Variants in MYL10 observed in about 807,000 individuals in gnomAD.
MYL10 encodes the protein myosin regulatory light chain 10.
Under a neutral mutation model 21.9 loss-of-function variants are expected in MYL10, and 18 were observed. The observed-to-expected ratio is 0.82, with a 90% confidence interval of 0.57 to 1.22. The LOEUF (loss-of-function observed/expected upper bound fraction) is 1.22. MYL10 is among the 50% of genes most tolerant of loss of function. MYL10 has a pLI of 0.00. For synonymous variants in MYL10, 88 were observed against 82.8 expected, an observed-to-expected ratio of 1.06 and a Z score of -0.34; for missense variants, 225 against 230.4, an observed-to-expected ratio of 0.98 and a Z score of 0.15.
Position 101,616,260 on chromosome 7 carries a change from C to T in MYL10, c.493G>A (p.Val165Met), listed in dbSNP as rs372517822. The change falls in exon 6 of 8, where the codon GTG (valine) becomes ATG (methionine). Residue 165 changes from valine to methionine, a missense_variant. By Grantham distance (21) the Val-to-Met change is conservative. Transcript: ENST00000223167. ...AAACCTTTCCCTTCAGTGTCGAACA[C>T]TTTGAAGGCGTGGAGAATGGTCTCC... The part of the protein sequence containing the change: ...PEETILHAFK[V>M]FDTEGKGFVK... The T allele has an allele frequency of 1.2e-6, 2 of 1,614,156 alleles. No individual in the cohort carries two copies. Among genetic ancestry groups the T allele is most frequent in the African/African-American group, 1.3e-5 (1 of 75,042 alleles).
Position 101,616,275 on chromosome 7 carries a change from G to A in MYL10, c.478C>T (p.Leu160Phe), listed in dbSNP as rs749354639. ...LKGTDPEETI[L>F]HAFKVFDTEG... Reference sequence around the variant, plus strand: ...GTGTCGAACACTTTGAAGGCGTGGAGAATGGTCTCCTCTGGGTCCGTGCCT... The same window carrying A: ...GTGTCGAACACTTTGAAGGCGTGGAAAATGGTCTCCTCTGGGTCCGTGCCT... The change falls in exon 6 of 8, where the codon CTC becomes TTC. Residue 160 changes from leucine (L) to phenylalanine (F), a missense_variant. By Grantham distance (22) the Leu-to-Phe change is conservative. Transcript: ENST00000223167. 2.5e-6 allele frequency: 4 copies of A among 1,614,170 alleles called. No individual in the cohort carries two copies. The highest frequency in any genetic ancestry group is 1.1e-5 in the South Asian group (1 of 91,086).
intron 1 of MYL10, among the ~76,000 whole-genome samples, chr7:101,624,531 C>A (rs1407351236): frequency 2.0e-5 from 3 of 152,236 alleles, no homozygotes; most frequent in Non-Finnish European, 2.9e-5. Flanking sequence ...GGAAGGTGGG[C>A]AGCCGGTGCC....
intron 1 of MYL10, among the ~76,000 whole-genome samples, chr7:101,626,546 C>G (rs1207080487): frequency 6.6e-6 from 1 of 152,188 alleles, no homozygotes; most frequent in Non-Finnish European, 1.5e-5. Flanking sequence ...CAGATTGATA[C>G]CCCGCAGGGA....
chr7:101,624,874 C>T (rs1162881407), intron 1 of MYL10, among the ~76,000 whole-genome samples: 1 of 152,110 alleles, frequency 6.6e-6, no homozygotes, highest in East Asian at 1.9e-4. Flanking sequence ...ACCCATCCTG[C>T]AGGCTCAGCT....
chr7:101,618,367 C>T (rs997108349), intron 5 of MYL10, among the ~76,000 whole-genome samples: 1 of 152,202 alleles, frequency 6.6e-6, no homozygotes, highest in Non-Finnish European at 1.5e-5. Context: ...GATTTGCCTC[C>T]GAGGCCACAG....
chr7:101,622,041 T>A lies in MYL10; in HGVS notation c.454+55A>T, dbSNP rs1796684796. On this transcript the variant is annotated intron_variant, in intron 5 of 7. Transcript: ENST00000223167. ...TGTGTCAGGCCCCTGCCTTCCTACATCCGTCCCCCTGCCATTCCCTGCTGC... is the reference window on the plus strand; with the variant it reads ...TGTGTCAGGCCCCTGCCTTCCTACAACCGTCCCCCTGCCATTCCCTGCTGC... 2.9e-6 allele frequency: 4 copies of A among 1,393,364 alleles called. No homozygotes were observed. The African/African-American group carries it at 5.7e-5, about 20-fold the overall frequency. 86.3% of individuals were successfully genotyped at this position (1,393,364 alleles called of 1,614,324 possible).
intron 5 of MYL10, among the ~76,000 whole-genome samples, chr7:101,621,073 G>A (rs1228032473): frequency 6.6e-6 from 1 of 152,136 alleles, no homozygotes; most frequent in Non-Finnish European, 1.5e-5. Flanking sequence ...ACAGGCATGA[G>A]CCACCGTGCC....
chr7:101,613,583 A>G lies in MYL10; in HGVS notation c.583-10T>C. On this transcript the variant is annotated splice_polypyrimidine_tract_variant and intron_variant, in intron 7 of 7. Coordinates refer to ENST00000223167, the MANE Select transcript of MYL10 (RefSeq NM_138403.5). ...CAAACATCTGCTTGACCTGAGAAGG[A>G]GCAGAGAGTCAGCCTGCACCAGGCC... 6.2e-7 allele frequency: 1 copy of G among 1,613,940 alleles called. No individual in the cohort carries two copies. The highest frequency in any genetic ancestry group is 1.1e-5 in the South Asian group (1 of 91,072).
intron 1 of MYL10, among the ~76,000 whole-genome samples, chr7:101,628,488 C>T (rs1209973923): frequency 6.6e-6 from 1 of 152,140 alleles, no homozygotes; most frequent in African/African-American, 2.4e-5. Flanking sequence ...CTGGAGGTGA[C>T]TCTGATGAGG....
intron 1 of MYL10, chr7:101,627,331 G>GGCAGGGGCAGGT (rs1796757814): frequency 6.7e-6 from 1 of 148,828 alleles, no homozygotes; most frequent in Admixed American, 6.7e-5. Context: ...TGAGGTCAGG[G>GGCAGGGGCAGGT]GCAGGGGCAG....
chr7:101,624,596 C>T (rs1021090711), intron 1 of MYL10, among the ~76,000 whole-genome samples: 16 of 152,192 alleles, frequency 1.1e-4, no homozygotes, highest in African/African-American at 2.9e-4. Context: ...ATCTCTACCC[C>T]GGCATCCTCC....
In MYL10 at chr7:101,619,032, C is replaced by T. The variant is rs118141039; in HGVS notation, c.455-2734G>A. On this transcript the variant is annotated intron_variant, in intron 5 of 7. Transcript: ENST00000223167. Reference sequence around the variant, plus strand: ...CCTCGCCCATGCCCAACACCAGGGGCGGGAGGTGCTCACAGCCTCACCTCC... The same window carrying T: ...CCTCGCCCATGCCCAACACCAGGGGTGGGAGGTGCTCACAGCCTCACCTCC... Among the ~76,000 whole-genome samples the T allele has an allele frequency of 9.6e-3, 1,455 of 152,284 alleles. 13 individuals carry two copies. The highest frequency in any genetic ancestry group is 0.014 in the Non-Finnish European group (977 of 68,006).
chr7:101,622,138 T>C lies in MYL10; in HGVS notation c.412A>G (p.Asn138Asp), dbSNP rs1357592925. The C allele has an allele frequency of 1.8e-5, 29 of 1,613,726 alleles. No individual in the cohort carries two copies. The highest frequency in any genetic ancestry group is 2.2e-5 in the Non-Finnish European group (26 of 1,179,836). ...AMVKEAPGPI[N>D]FTVFLTMFGE... Reference sequence around the variant, plus strand: ...AACATGGTCAGGAACACCGTGAAGTTGATGGGTCCGGGGGCCTCCTTCACC... The same window carrying C: ...AACATGGTCAGGAACACCGTGAAGTCGATGGGTCCGGGGGCCTCCTTCACC... The change falls in exon 5 of 8, where the codon AAC (asparagine) becomes GAC (aspartate). Residue 138 changes from asparagine to aspartate, a missense_variant. Asn to Asp is a conservative substitution (Grantham distance 23). Transcript: ENST00000223167.
intron 5 of MYL10, among the ~76,000 whole-genome samples, chr7:101,617,942 C>T (rs1425944855): frequency 1.3e-5 from 2 of 151,950 alleles, no homozygotes; most frequent in African/African-American, 2.4e-5. Context: ...ATCTGTTCCT[C>T]CCCCATTAGA....
intron 1 of MYL10, among the ~76,000 whole-genome samples, chr7:101,625,668 T>C (rs888002484): frequency 6.6e-6 from 1 of 152,166 alleles, no homozygotes; most frequent in Non-Finnish European, 1.5e-5. Context: ...CTGTCTCTCC[T>C]AATCCTTTGA....
intron 1 of MYL10, among the ~76,000 whole-genome samples, chr7:101,625,530 C>T (rs994145825): frequency 1.3e-5 from 2 of 151,988 alleles, no homozygotes; most frequent in African/African-American, 2.4e-5. Flanking sequence ...CTGCTCCCCT[C>T]CCCCAACGCC....
intron 2 of MYL10, 34 bp from the exon 3 acceptor site, chr7:101,624,055 G>A (rs543050520): frequency 3.4e-5 from 23 of 681,074 alleles, no homozygotes; most frequent in Non-Finnish European, 5.5e-5. Context: ...AATAATAATA[G>A]TAATAATGAC....
chr7:101,618,790 G>A (rs1045814556), intron 5 of MYL10, among the ~76,000 whole-genome samples: 8 of 152,044 alleles, frequency 5.3e-5, no homozygotes, highest in African/African-American at 1.4e-4. Flanking sequence ...CCCCAGTCCC[G>A]GCGCCCCTGC....
intron 6 of MYL10, among the ~76,000 whole-genome samples, chr7:101,615,836 A>C (rs1796603452): frequency 6.6e-6 from 1 of 151,218 alleles, no homozygotes; most frequent in Non-Finnish European, 1.5e-5. Flanking sequence ...CTGGGACTAC[A>C]GGCATGCACC....
Sources: allele counts gnomAD v4.1 joint callset (sites outside exome capture counted in the v4.1 genomes callset), GRCh38; gene constraint gnomAD v4.1.1; transcripts MANE v1.5; gene names NCBI Gene and HGNC (gene_info 2026-07-23, HGNC 2026-07-21).